Variants in KHDRBS2 observed in about 807,000 individuals in gnomAD.
KHDRBS2 encodes KH domain-containing, RNA-binding, signal transduction-associated protein 2.
KHDRBS2 carries 26 observed loss-of-function variants against 44.3 expected under a neutral mutation model. The observed-to-expected ratio is 0.59, with a 90% CI of 0.43 to 0.81. The LOEUF is 0.81. Ranked by LOEUF, KHDRBS2 falls within the 40% of genes least tolerant of loss-of-function variation. The pLI is 0.00. For missense variants in KHDRBS2, 476 were observed against 433.1 expected, an observed-to-expected ratio of 1.10 and a Z score of -0.88; for synonymous variants, 194 against 151.1, an observed-to-expected ratio of 1.28 and a Z score of -2.08.
chr6:61,762,676 C>T (rs1938389), intron 6 of KHDRBS2, among the ~76,000 whole-genome samples: 57,991 of 152,052 alleles, frequency 0.38, 12,141 homozygotes, highest in African/African-American at 0.57. Flanking sequence ...GAATTGTCAA[C>T]CAAATAACTT....
intron 2 of KHDRBS2, among the ~76,000 whole-genome samples, chr6:62,084,987 T>A (rs2127358398): frequency 6.6e-6 from 1 of 152,254 alleles, no homozygotes; most frequent in South Asian, 2.1e-4. Flanking sequence ...CACTTAAATG[T>A]GTGCAGGCAA....
At chr6:61,705,974 G>C (rs1769470315) in intron 7 of KHDRBS2, among the ~76,000 whole-genome samples, 2 of 151,764 alleles carry the variant, frequency 1.3e-5, no homozygotes, top group African/African-American at 4.8e-5. Flanking sequence ...ATGAGGTCAG[G>C]GCTATTTGCA....
At chr6:61,777,859 C>A (rs1416686737) in intron 6 of KHDRBS2, among the ~76,000 whole-genome samples, 4 of 151,930 alleles carry the variant, frequency 2.6e-5, no homozygotes, top group Admixed American at 1.3e-4. Context: ...TCCTTTTTAA[C>A]TTTAATTTTA....
Position 61,894,774 on chromosome 6 carries a change from C to T in KHDRBS2, c.671G>A (p.Arg224Gln), listed in dbSNP as rs777332095. 5.3e-5 allele frequency: 86 copies of T among 1,613,116 alleles called. No homozygotes were observed. Among genetic ancestry groups the T allele is most frequent in the Admixed American group, 1.2e-4 (7 of 59,918 alleles). ...CGCTCCACGGGTTACAGTGCTTCCC[C>T]GAGGGGTGAGAACACCTCGTCCAGG... ...PPPGRGVLTP[R>Q]GSTVTRGALP... is the part of the protein sequence containing the mutation. Residue 224 changes from arginine (R) to glutamine (Q), a missense_variant, in exon 6 of 9, where the codon CGG (arginine) becomes CAG (glutamine). Transcript: ENST00000281156.
At chr6:61,877,204 C>T (rs1203098143) in intron 6 of KHDRBS2, among the ~76,000 whole-genome samples, 1 of 151,970 alleles carries the variant, frequency 6.6e-6, no homozygotes, top group Non-Finnish European at 1.5e-5. Context: ...GACCTCCAGT[C>T]TCACATACGC....
At chr6:61,730,653 C>G (rs1242902328) in intron 7 of KHDRBS2, among the ~76,000 whole-genome samples, 2 of 151,938 alleles carry the variant, frequency 1.3e-5, no homozygotes, top group Non-Finnish European at 2.9e-5. Context: ...GAAGAGTTGG[C>G]TTTTGAGCTG....
At chr6:61,759,107 A>T (rs1778913675) in intron 6 of KHDRBS2, among the ~76,000 whole-genome samples, 1 of 152,150 alleles carries the variant, frequency 6.6e-6, no homozygotes, top group African/African-American at 2.4e-5. Context: ...AAGGACTTCA[A>T]GCCTTTTAAA....
At chr6:61,550,037 A>C in the KHDRBS2 span, among the ~76,000 whole-genome samples, 3 of 152,148 alleles carry the variant, frequency 2.0e-5, no homozygotes, top group Non-Finnish European at 4.4e-5. Context: ...AGAGTTTCTA[A>C]GTTTAAATTT....
the KHDRBS2 span, among the ~76,000 whole-genome samples, chr6:61,638,844 C>A: frequency 6.6e-6 from 1 of 152,048 alleles, no homozygotes; most frequent in Non-Finnish European, 1.5e-5. Context: ...ATGTATCTAT[C>A]TTTAATAGAG....
chr6:61,919,745 C>T (rs978306031), intron 4 of KHDRBS2, among the ~76,000 whole-genome samples: 2 of 151,624 alleles, frequency 1.3e-5, no homozygotes, highest in African/African-American at 4.8e-5. Flanking sequence ...AAAAAAACCC[C>T]ACCAAACCAT....
At chr6:61,772,139 AACATTGAAC>A (rs1197095453) in intron 6 of KHDRBS2, among the ~76,000 whole-genome samples, 11 of 152,218 alleles carry the variant, frequency 7.2e-5, no homozygotes, top group Admixed American at 3.9e-4. Context: ...ACAAAGACAC[AACATTGAAC>A]ACATTGAACA....
At chr6:62,124,155 G>A (rs1808395775) in intron 2 of KHDRBS2, among the ~76,000 whole-genome samples, 1 of 152,174 alleles carries the variant, frequency 6.6e-6, no homozygotes, top group Non-Finnish European at 1.5e-5. Flanking sequence ...AGGGATCTGA[G>A]CATAGCTTCC....
chr6:62,095,337 G>T (rs1277525023), intron 2 of KHDRBS2, among the ~76,000 whole-genome samples: 1 of 151,678 alleles, frequency 6.6e-6, no homozygotes, highest in Non-Finnish European at 1.5e-5. Context: ...TACAAAGGTG[G>T]TCCCATAAGC....
At chr6:61,872,807 T>A (rs1184310212) in intron 6 of KHDRBS2, among the ~76,000 whole-genome samples, 2 of 151,998 alleles carry the variant, frequency 1.3e-5, no homozygotes, top group Non-Finnish European at 2.9e-5. Context: ...TAAAAAGATA[T>A]GAAAATTAAG....
intron 1 of KHDRBS2, among the ~76,000 whole-genome samples, chr6:62,221,137 A>AG (rs1299468177): frequency 1.3e-5 from 2 of 152,042 alleles, no homozygotes; most frequent in African/African-American, 4.8e-5. Context: ...CCAAAAAAAA[A>AG]AAGATTTTGC....
chr6:62,071,926 T>G (rs574964281), intron 2 of KHDRBS2, among the ~76,000 whole-genome samples: 101 of 152,264 alleles, frequency 6.6e-4, no homozygotes, highest in African/African-American at 2.4e-3. Flanking sequence ...ATAAATTACC[T>G]TGGACAGTAT....
Position 62,123,558 on chromosome 6 carries a change from T to C in KHDRBS2, c.219+53627A>G, listed in dbSNP as rs557156097. Among the ~76,000 whole-genome samples the C allele has an allele frequency of 9.8e-5, 15 of 152,306 alleles. No individual in the cohort carries two copies. In the East Asian group the frequency reaches 2.5e-3, roughly 26 times the overall value. On this transcript the variant is annotated intron_variant, in intron 2 of 8. Coordinates refer to ENST00000281156, the MANE Select transcript of KHDRBS2 (RefSeq NM_152688.4). ...CTGCACCCTTTAATCCTGCCTACTG[T>C]TTTGTAAATGGTATAGCCAGCCTCT...
intron 6 of KHDRBS2, among the ~76,000 whole-genome samples, chr6:61,769,275 T>TTCATCTC (rs1780466055): frequency 1.3e-5 from 2 of 151,914 alleles, no homozygotes; most frequent in Non-Finnish European, 2.9e-5. Context: ...CCAACTGAGG[T>TTCATCTC]ACCGGGTTCA....
At chr6:61,848,546 T>C (rs9445499) in intron 6 of KHDRBS2, among the ~76,000 whole-genome samples, 1 of 57,668 alleles carries the variant, frequency 1.7e-5, no homozygotes, top group Non-Finnish European at 2.8e-5. Context: ...TATATGTATA[T>C]ATATACATAT....
Sources: allele counts gnomAD v4.1 joint callset (sites outside exome capture counted in the v4.1 genomes callset), GRCh38; gene constraint gnomAD v4.1.1; transcripts MANE v1.5; gene names NCBI Gene and HGNC (gene_info 2026-07-23, HGNC 2026-07-21).